The following UCHL3 variants were observed in gnomAD, a reference collection of about 807,000 sequenced individuals.
UCHL3 encodes the protein ubiquitin carboxyl-terminal hydrolase isozyme L3.
UCHL3 carries 22 observed loss-of-function variants against 35.8 expected under a neutral mutation model. That is an observed-to-expected ratio of 0.61 (90% CI 0.44 to 0.88). UCHL3 has a LOEUF of 0.88. Among genes scored for constraint, UCHL3 ranks in the 40% least tolerant of loss-of-function variants. The pLI, the probability that UCHL3 is intolerant of heterozygous loss-of-function variation, is 0.00. For synonymous variants in UCHL3, 90 were observed against 92.8 expected (o/e 0.97, Z 0.17); for missense variants, 229 against 276.9 (o/e 0.83, Z 1.23).
intron 2 of UCHL3, among the ~76,000 whole-genome samples, chr13:75,551,759 G>A (rs1301645304): frequency 6.6e-6 from 1 of 152,152 alleles, no homozygotes; most frequent in Non-Finnish European, 1.5e-5. Flanking sequence ...AGGAACTTAC[G>A]TCCTGTGATT....
intron 2 of UCHL3, among the ~76,000 whole-genome samples, chr13:75,560,058 T>C (rs2031441979): frequency 6.6e-6 from 1 of 152,156 alleles, no homozygotes; most frequent in African/African-American, 2.4e-5. Context: ...CATTGTGTAG[T>C]AGAGGCCAGG....
intron 2 of UCHL3, among the ~76,000 whole-genome samples, chr13:75,556,624 G>A (rs1028420153): frequency 6.6e-6 from 1 of 152,096 alleles, no homozygotes; most frequent in Non-Finnish European, 1.5e-5. Context: ...GGAAGAATTT[G>A]TTATAATTTA....
chr13:75,562,399 C>T (rs1196481957), intron 3 of UCHL3, among the ~76,000 whole-genome samples: 4 of 151,996 alleles, frequency 2.6e-5, no homozygotes, highest in East Asian at 3.8e-4. Context: ...TGATTACTGA[C>T]ATTTGTAGAA....
chr13:75,596,271 A>G (rs527627435), intron 7 of UCHL3, among the ~76,000 whole-genome samples: 8 of 152,360 alleles, frequency 5.3e-5, no homozygotes, highest in African/African-American at 1.7e-4. Context: ...AGCGTTGTCT[A>G]CAATACTAGA....
chr13:75,590,008 A>G lies in UCHL3; in HGVS notation c.475-4907A>G, dbSNP rs1479103692. ...ACGAAGGCCTCATCATTGTGTCACC[A>G]TGCATCCCTGCCCTGGGTCAAACGT... On this transcript the variant is annotated intron_variant, in intron 6 of 8. Transcript: ENST00000377595. The G allele has an allele frequency of 3.8e-6, 5 of 1,304,686 alleles. No individual in the cohort carries two copies. The African/African-American group carries it at 7.6e-5, about 20-fold the overall frequency. The allele number at this position is 1,304,686 out of a possible 1,614,324, so 80.8% of individuals were successfully genotyped here.
At chr13:75,563,475 A>C (rs1376522957) in intron 3 of UCHL3, among the ~76,000 whole-genome samples, 3 of 152,140 alleles carry the variant, frequency 2.0e-5, no homozygotes, top group African/African-American at 7.2e-5. Flanking sequence ...TTACCCTTTA[A>C]AGTCAATCAT....
chr13:75,572,032 TTTCC>T (rs750145683), intron 6 of UCHL3, among the ~76,000 whole-genome samples: 135 of 152,016 alleles, frequency 8.9e-4, no homozygotes, highest in East Asian at 2.3e-3. Context: ...TGTCTTTACT[TTTCC>T]TTCCTTCCTT....
intron 6 of UCHL3, among the ~76,000 whole-genome samples, chr13:75,578,524 T>G (rs1043016445): frequency 6.6e-6 from 1 of 152,148 alleles, no homozygotes; most frequent in Non-Finnish European, 1.5e-5. Flanking sequence ...AGACATAATT[T>G]GTGTCTTCAA....
chr13:75,588,504 C>T (rs1450057511), intron 6 of UCHL3, among the ~76,000 whole-genome samples: 1 of 152,042 alleles, frequency 6.6e-6, no homozygotes, highest in Non-Finnish European at 1.5e-5. Flanking sequence ...CACTTTTGTT[C>T]CCATATAGAA....
rs903572751 is a variant in UCHL3 at position 75,566,779 on chromosome 13, A to T, written c.268A>T (p.Thr90Ser). The T allele has an allele frequency of 6.2e-7, 1 of 1,611,950 alleles. No individual in the cohort carries two copies. The highest frequency in any genetic ancestry group is 8.5e-7 in the Non-Finnish European group (1 of 1,179,318). ...ATCATCAGTATATTTCATGAAGCAA[A>T]CAATCAGCAATGCCTGTGGAACAAT... ...VTSSVYFMKQ[T>S]ISNACGTIGL... Residue 90 changes from threonine to serine, a missense_variant, in exon 4 of 9, where the codon ACA (threonine) becomes TCA (serine). Thr to Ser is a moderately conservative substitution (Grantham distance 58). Transcript: ENST00000377595.
chr13:75,549,778 G>T (rs750111627), upstream of UCHL3: 2 of 1,063,256 alleles, frequency 1.9e-6, no homozygotes, highest in Non-Finnish European at 2.3e-6. Flanking sequence ...CGGCGGCGGC[G>T]AAGGCGGCGG....
rs145764175 is a variant in UCHL3 at position 75,586,288 on chromosome 13, T to C, written c.475-8627T>C. 3.4e-3 allele frequency among the ~76,000 whole-genome samples: 513 copies of C among 152,026 alleles called. 2 individuals carry two copies. Among genetic ancestry groups the C allele is most frequent in the African/African-American group, 0.011 (444 of 41,510 alleles). ...GTTGAAGAAGGACATTACATAAGGA[T>C]AAAGAGGTTATCTCACCAAGAAGAC... On this transcript the variant is annotated intron_variant, in intron 6 of 8. Transcript: ENST00000377595.
At chr13:75,555,099 G>A (rs1455378063) in intron 2 of UCHL3, among the ~76,000 whole-genome samples, 5 of 152,266 alleles carry the variant, frequency 3.3e-5, no homozygotes, top group Middle Eastern at 3.4e-3. Flanking sequence ...TCTCTGACCC[G>A]CTCATGCTGT....
chr13:75,603,285 C>T (rs575218446), intron 7 of UCHL3, among the ~76,000 whole-genome samples: 2 of 152,000 alleles, frequency 1.3e-5, no homozygotes, highest in African/African-American at 2.4e-5. Context: ...AGTTTATTAG[C>T]TCTTTAGTCT....
At chr13:75,592,446 A>ATATATATATATG (rs2032523644) in intron 6 of UCHL3, among the ~76,000 whole-genome samples, 1 of 71,072 alleles carries the variant, frequency 1.4e-5, no homozygotes, top group African/African-American at 4.1e-5. Context: ...ATATATATAT[A>ATATATATATATG]TATATATATA....
intron 7 of UCHL3, among the ~76,000 whole-genome samples, chr13:75,600,626 A>T (rs190990792): frequency 1.3e-5 from 2 of 152,350 alleles, no homozygotes; most frequent in African/African-American, 4.8e-5. Flanking sequence ...TACTGCTCAG[A>T]AAAAGATTCC....
rs532646685 is a variant in UCHL3 at position 75,602,026 on chromosome 13, G to T, written c.551-2743G>T. Among the ~76,000 whole-genome samples, 211 of 152,028 alleles carry T rather than the reference G, an allele frequency of 1.4e-3. 1 individual carries two copies. The highest frequency in any genetic ancestry group is 2.7e-3 in the South Asian group (13 of 4,806). ...CGGGAGGCTGAGGCAGGAGAATGGC[G>T]TGAACCCGGGAGGCAGAGCTTGCAG... On this transcript the variant is annotated intron_variant, in intron 7 of 8. Coordinates refer to ENST00000377595, the MANE Select transcript of UCHL3 (RefSeq NM_006002.5).
chr13:75,579,744 A>T (rs535204082), intron 6 of UCHL3, among the ~76,000 whole-genome samples: 1 of 152,282 alleles, frequency 6.6e-6, no homozygotes, highest in South Asian at 2.1e-4. Context: ...ATAAAAATAG[A>T]ACTGATGTTG....
chr13:75,595,058 C>A, intron 7 of UCHL3, 68 bp downstream of exon 7: 3 of 1,185,902 alleles, frequency 2.5e-6, no homozygotes, highest in East Asian at 2.6e-5. Context: ...TTATGATAAA[C>A]AGGACTATTG....
Sources: allele counts gnomAD v4.1 joint callset (sites outside exome capture counted in the v4.1 genomes callset), GRCh38; gene constraint gnomAD v4.1.1; transcripts MANE v1.5; gene names NCBI Gene and HGNC (gene_info 2026-07-23, HGNC 2026-07-21).